The following TRIM71 variants were observed in gnomAD, a reference collection of about 807,000 sequenced individuals.
TRIM71 encodes E3 ubiquitin-protein ligase TRIM71.
A neutral mutation model predicts 61.2 loss-of-function variants in TRIM71; 9 were observed. That is an observed-to-expected ratio of 0.15 (90% CI 0.09 to 0.26). The LOEUF is 0.26. TRIM71 is among the 10% of genes least tolerant of loss of function. The probability of loss-of-function intolerance (pLI) is 1.00; values close to 1 mark genes in which losing one functional copy is unlikely to be tolerated. For missense variants in TRIM71, 998 were observed against 1,238.7 expected, an observed-to-expected ratio of 0.81 and a Z score of 2.92; for synonymous variants, 645 against 553.2, an observed-to-expected ratio of 1.17 and a Z score of -2.33.
At chr3:32,841,106 G>A (rs764540688) in intron 1 of TRIM71, among the ~76,000 whole-genome samples, 2 of 152,092 alleles carry the variant, frequency 1.3e-5, no homozygotes, top group East Asian at 1.9e-4. Flanking sequence ...TTAGCCGGGC[G>A]TGGTGGCGGT....
chr3:32,854,109 C>T (rs936121744), intron 1 of TRIM71, among the ~76,000 whole-genome samples: 1 of 152,180 alleles, frequency 6.6e-6, no homozygotes, highest in Non-Finnish European at 1.5e-5. Flanking sequence ...ATGCCTGAGC[C>T]TCCCAAGTAT....
chr3:32,838,543 T>G (rs1696362026), intron 1 of TRIM71, among the ~76,000 whole-genome samples: 2 of 132,232 alleles, frequency 1.5e-5, no homozygotes, highest in Non-Finnish European at 3.2e-5. Context: ...TTTTTTTTAA[T>G]CAAGCATTTT....
In TRIM71 at chr3:32,859,681, G is replaced by C. The variant is rs78647965; in HGVS notation, c.853-14137G>C. 1.1e-3 allele frequency among the ~76,000 whole-genome samples: 173 copies of C among 152,230 alleles called. 3 individuals are homozygous for C. The East Asian group carries it at 0.028, about 25-fold the overall frequency. ...TTGACATTTCCCTGCCCGGAATGCC[G>C]CTGGCCTGGGTGCCTGGGTTCCCTG... On this transcript the variant is annotated intron_variant, in intron 1 of 3. Transcript: ENST00000383763.
chr3:32,823,676 C>G (rs906035428), intron 1 of TRIM71, among the ~76,000 whole-genome samples: 31 of 146,268 alleles, frequency 2.1e-4, no homozygotes, highest in Non-Finnish European at 3.6e-4. Flanking sequence ...ATGGGGAAAC[C>G]CAGGAGGCGG....
chr3:32,880,835 A>AAT (rs1329771799), intron 2 of TRIM71, among the ~76,000 whole-genome samples: 8 of 152,192 alleles, frequency 5.3e-5, no homozygotes, highest in Non-Finnish European at 1.2e-4. Context: ...CAGGATCAGG[A>AAT]ATAGTTGGTT....
At position 32,818,909 on chromosome 3, in the gene TRIM71, T is replaced by C. The variant is rs761124072; in HGVS notation, c.829T>C (p.Phe277Leu). 2.5e-6 allele frequency: 4 copies of C among 1,612,530 alleles called. No individual in the cohort carries two copies. Among genetic ancestry groups the C allele is most frequent in the Non-Finnish European group, 3.4e-6 (4 of 1,179,844 alleles). ...CTCAGTGTTTCCCGAGCGCCTCGGCTTCTGCCAGCACCACGACGACGAGGT... is the reference window on the plus strand; with the variant it reads ...CTCAGTGTTTCCCGAGCGCCTCGGCCTCTGCCAGCACCACGACGACGAGGT... ...ILSVFPERLG[F>L]CQHHDDEVLH... Residue 277 changes from phenylalanine to leucine, a missense_variant, in exon 1 of 4, where the codon TTC becomes CTC. Around this residue, in one of 5 missense-constraint regions of TRIM71, gnomAD observed 291 missense variants for 431.2 expected, o/e 0.67. Transcript: ENST00000383763.
intron 1 of TRIM71, among the ~76,000 whole-genome samples, chr3:32,820,918 C>T (rs1206559151): frequency 6.6e-6 from 1 of 152,188 alleles, no homozygotes; most frequent in South Asian, 2.1e-4. Flanking sequence ...ATTCTGCTTG[C>T]TCCCTTTAGC....
intron 1 of TRIM71, among the ~76,000 whole-genome samples, chr3:32,840,151 C>T (rs112034196): frequency 2.0e-5 from 3 of 152,110 alleles, no homozygotes; most frequent in African/African-American, 7.2e-5. Context: ...AAGATGTACC[C>T]ACTGTATTGT....
intron 2 of TRIM71, 47 bp from the exon 3 acceptor site, chr3:32,885,887 T>C (rs1696956194): frequency 6.3e-7 from 1 of 1,591,748 alleles, no homozygotes; most frequent in African/African-American, 1.3e-5. Flanking sequence ...GTATAAGGAA[T>C]GACAGTCCTT....
chr3:32,884,671 T>C lies in TRIM71; in HGVS notation c.1021-1263T>C, dbSNP rs75296482. ...CTCCTTAATGGTAATGGCCTTTGCT[T>C]TTTGGGTGGTGAAAATGTTCTGTAG... On this transcript the variant is annotated intron_variant, in intron 2 of 3. Coordinates refer to ENST00000383763, the MANE Select transcript of TRIM71 (RefSeq NM_001039111.3). Among the ~76,000 whole-genome samples the C allele has an allele frequency of 9.1e-3, 1,388 of 152,028 alleles. 27 individuals carry two copies. The highest frequency in any genetic ancestry group is 0.032 in the African/African-American group (1,322 of 41,474).
chr3:32,892,381 C>G lies in TRIM71; in HGVS notation c.*570C>G, dbSNP rs1697036555. The G allele has an allele frequency of 2.0e-5, 3 of 152,214 alleles. No homozygotes were observed. The South Asian group carries it at 6.2e-4, about 32-fold the overall frequency. The allele number at this position is 152,214 out of a possible 1,614,324, so 9.4% of individuals were successfully genotyped here. A position where few individuals can be genotyped will look rare whatever the true frequency, so the allele number is the denominator to read the frequency against. ...TTAGATTATGTTGTGTTGTTTTGAT[C>G]TTTTTGGAAAATCTTCTCTTTTTAA... is the stretch of plus-strand genomic sequence containing the variant. On this transcript the variant is annotated 3_prime_UTR_variant, in exon 4 of 4. Coordinates refer to ENST00000383763, the MANE Select transcript of TRIM71 (RefSeq NM_001039111.3).
At chr3:32,884,777 C>T (rs1157007221) in intron 2 of TRIM71, among the ~76,000 whole-genome samples, 1 of 152,094 alleles carries the variant, frequency 6.6e-6, no homozygotes, top group Admixed American at 6.5e-5. Flanking sequence ...GCTAAGTGGC[C>T]TGACGGGACA....
At position 32,890,511 on chromosome 3, in the gene TRIM71, G is replaced by A. The variant is rs374391853; in HGVS notation, c.1307G>A (p.Arg436Gln). 55 of 1,614,044 alleles carry A rather than the reference G, an allele frequency of 3.4e-5. No individual in the cohort carries two copies. Among genetic ancestry groups the A allele is most frequent in the Middle Eastern group, 1.6e-4 (1 of 6,084 alleles). Residue 436 changes from arginine to glutamine, a missense_variant, in exon 4 of 4, where the codon CGG becomes CAG. By Grantham distance (43) the Arg-to-Gln change is conservative (BLOSUM62 1). This residue lies in a region of TRIM71 where 291 missense variants were observed against 431.2 expected (regional missense o/e 0.67). Coordinates refer to ENST00000383763, the MANE Select transcript of TRIM71 (RefSeq NM_001039111.3). The surrounding 1 kb of genome is among the most constrained non-coding windows in gnomAD (Gnocchi z 6.2). Reference sequence around the variant, plus strand: ...CTAGACATCCTACTGGCCCGAGACCGGATGCTGGCCCAGGTGCAGGAGCTG... The same window carrying A: ...CTAGACATCCTACTGGCCCGAGACCAGATGCTGGCCCAGGTGCAGGAGCTG... ...RALDILLARD[R>Q]MLAQVQELKT... is the part of the protein sequence containing the mutation.
intron 1 of TRIM71, among the ~76,000 whole-genome samples, chr3:32,868,243 G>A (rs1192720069): frequency 6.6e-6 from 1 of 151,744 alleles, no homozygotes; most frequent in Non-Finnish European, 1.5e-5. Flanking sequence ...ACAGAAACTG[G>A]TACTTTGCCC....
At chr3:32,850,041 C>T (rs756684232) in intron 1 of TRIM71, among the ~76,000 whole-genome samples, 9 of 152,168 alleles carry the variant, frequency 5.9e-5, no homozygotes, top group Non-Finnish European at 1.3e-4. Context: ...TGAAACAAAA[C>T]CCCACGCATC....
intron 1 of TRIM71, among the ~76,000 whole-genome samples, chr3:32,863,294 G>A (rs909660773): frequency 5.2e-5 from 7 of 134,480 alleles, no homozygotes; most frequent in Admixed American, 1.7e-4. Flanking sequence ...CAGCAGCCTC[G>A]AACTCTTGGG....
At chr3:32,828,697 A>G (rs1696232640) in intron 1 of TRIM71, among the ~76,000 whole-genome samples, 1 of 151,898 alleles carries the variant, frequency 6.6e-6, no homozygotes, top group Non-Finnish European at 1.5e-5. Flanking sequence ...ACTGGGTTGC[A>G]CCATGTTGCC....
chr3:32,844,949 T>C (rs141602358), intron 1 of TRIM71, among the ~76,000 whole-genome samples: 21 of 152,316 alleles, frequency 1.4e-4, no homozygotes, highest in Non-Finnish European at 2.2e-4. Context: ...AAGACTGAGT[T>C]TTTGGGCTGA....
intron 2 of TRIM71, among the ~76,000 whole-genome samples, chr3:32,877,840 C>G (rs1455368082): frequency 6.6e-6 from 1 of 152,170 alleles, no homozygotes; most frequent in Non-Finnish European, 1.5e-5. Context: ...CAACCCTAAT[C>G]AGTGACCTTG....
Sources: allele counts gnomAD v4.1 joint callset (sites outside exome capture counted in the v4.1 genomes callset), GRCh38; gene constraint gnomAD v4.1.1; regional missense constraint gnomAD v4.1.1; non-coding constraint Gnocchi (gnomAD v3.1); transcripts MANE v1.5; gene names NCBI Gene and HGNC (gene_info 2026-07-23, HGNC 2026-07-21).